Variants in PCLO observed in about 807,000 individuals in gnomAD.
PCLO encodes the protein protein piccolo.
In PCLO, 82 loss-of-function variants were observed where a neutral mutation model predicts 427.5. That is an observed-to-expected ratio of 0.19 (90% CI 0.16 to 0.23). The LOEUF is 0.23. Ranked by LOEUF, PCLO falls within the 10% of genes least tolerant of loss-of-function variation. PCLO has a pLI of 1.00. For synonymous variants in PCLO, 2,357 were observed against 2,155.4 expected (o/e 1.09, Z -2.59); for missense variants, 6,239 against 6,115.9 (o/e 1.02, Z -0.67).
chr7:82,849,834 T>C lies in PCLO; in HGVS notation c.13655-2587A>G, dbSNP rs149257936. On this transcript the variant is annotated intron_variant, in intron 10 of 24. Transcript: ENST00000333891. ...CAAAACAGCTTTTCACACTGCGTTT[T>C]AGAAAGATTTTCTGGAAAATATTAC... 1.1e-4 allele frequency among the ~76,000 whole-genome samples: 16 copies of C among 152,208 alleles called. No homozygotes were observed. In the South Asian group the frequency reaches 2.3e-3, roughly 22 times the overall value.
intron 10 of PCLO, among the ~76,000 whole-genome samples, chr7:82,874,883 T>C (rs972026018): frequency 6.6e-6 from 1 of 152,172 alleles, no homozygotes; most frequent in Non-Finnish European, 1.5e-5. Context: ...CATTGAATAC[T>C]CCAACATTGC....
At chr7:82,963,424 C>A (rs570297063) in intron 4 of PCLO, among the ~76,000 whole-genome samples, 1 of 151,644 alleles carries the variant, frequency 6.6e-6, no homozygotes, top group Non-Finnish European at 1.5e-5. Context: ...ATTGCCAATT[C>A]TTTTTTTCAT....
chr7:82,888,553 T>C (rs1353864195), intron 9 of PCLO, among the ~76,000 whole-genome samples: 1 of 152,156 alleles, frequency 6.6e-6, no homozygotes, highest in East Asian at 1.9e-4. Flanking sequence ...TCTTATTCAT[T>C]CATTATGATT....
At chr7:82,902,629 T>G in intron 9 of PCLO, 22 bp downstream of exon 9, 1 of 1,348,482 alleles carries the variant, frequency 7.4e-7, no homozygotes, top group Non-Finnish European at 1.0e-6. Context: ...AAAAAAATAT[T>G]AGATTATATG....
chr7:83,162,245 C>G lies in PCLO; in HGVS notation c.248+100G>C. 3 of 1,349,588 alleles carry G rather than the reference C, an allele frequency of 2.2e-6. 1 individual carries two copies. In the South Asian group the frequency reaches 4.4e-5, roughly 20 times the overall value. 83.6% of individuals were successfully genotyped at this position (1,349,588 alleles called of 1,614,324 possible). A position where few individuals can be genotyped will look rare whatever the true frequency, so the allele number is the denominator to read the frequency against. ...CTGGGGAGAATAAAATGAACGGAGG[C>G]GACATATATGTACCGCCGTGCTGGC... On this transcript the variant is annotated intron_variant, in intron 1 of 24. Coordinates refer to ENST00000333891, the MANE Select transcript of PCLO (RefSeq NM_033026.6).
chr7:82,948,285 C>G (rs1795249397), intron 6 of PCLO, among the ~76,000 whole-genome samples: 1 of 135,182 alleles, frequency 7.4e-6, no homozygotes, highest in Admixed American at 7.8e-5. Flanking sequence ...TTAGCTTATA[C>G]TACTTTGAGA....
intron 16 of PCLO, among the ~76,000 whole-genome samples, chr7:82,832,278 G>A (rs975800391): frequency 6.6e-6 from 1 of 152,022 alleles, no homozygotes; most frequent in Admixed American, 6.6e-5. Context: ...TTTTTGAGAT[G>A]GAGTCTTGCT....
intron 3 of PCLO, among the ~76,000 whole-genome samples, chr7:83,030,134 AGAAAAG>A (rs1257318349): frequency 3.0e-5 from 4 of 131,450 alleles, no homozygotes; most frequent in African/African-American, 5.3e-5. Flanking sequence ...AAAAAAAAAA[AGAAAAG>A]AAAAGACTCA....
chr7:82,862,737 G>A (rs1183090025), intron 10 of PCLO, among the ~76,000 whole-genome samples: 1 of 151,934 alleles, frequency 6.6e-6, no homozygotes, highest in African/African-American at 2.4e-5. Context: ...CATGTTATGT[G>A]AAATAAGCCA....
intron 22 of PCLO, among the ~76,000 whole-genome samples, chr7:82,791,105 T>C (rs1052206156): frequency 1.2e-4 from 18 of 152,170 alleles, no homozygotes; most frequent in African/African-American, 4.3e-4. Flanking sequence ...AATACCTTAT[T>C]ATAAAGGATT....
intron 3 of PCLO, among the ~76,000 whole-genome samples, chr7:83,125,502 A>C (rs1215180853): frequency 6.6e-6 from 1 of 152,170 alleles, no homozygotes; most frequent in Non-Finnish European, 1.5e-5. Flanking sequence ...CTGTGTAGAA[A>C]GAAGTAGACA....
In PCLO at chr7:82,956,362, T is replaced by C; in HGVS notation, c.4591A>G (p.Thr1531Ala). 7.4e-6 allele frequency: 12 copies of C among 1,613,380 alleles called. No individual in the cohort carries two copies. The highest frequency in any genetic ancestry group is 1.0e-5 in the Non-Finnish European group (12 of 1,179,854). The change falls in exon 5 of 25, where the codon ACT becomes GCT. Residue 1531 changes from threonine to alanine, a missense_variant. Physicochemically the swap from Thr to Ala is moderately conservative, Grantham distance 58 (BLOSUM62 0). This residue lies in a region of PCLO where 4,677 missense variants were observed against 4,468.4 expected (regional missense o/e 1.05). Transcript: ENST00000333891. The part of the protein sequence containing the change: ...NSPVPQRKRR[T>A]SVGSSSSDEY... The stretch of plus-strand genomic sequence containing the variant: ...TCACTGCTTGATGAGCCAACACTAG[T>C]TCTTCGTTTTCTTTGTGGAACAGGT...
intron 20 of PCLO, chr7:82,821,333 A>G: frequency 1.0e-6 from 1 of 986,042 alleles, no homozygotes; most frequent in Non-Finnish European, 1.2e-6. Flanking sequence ...CAGAGTATGT[A>G]TCCTCAGATG....
intron 3 of PCLO, among the ~76,000 whole-genome samples, chr7:83,066,433 C>T (rs1292688745): frequency 2.9e-4 from 44 of 152,176 alleles, no homozygotes; most frequent in Admixed American, 2.9e-3. Context: ...AACCATTATA[C>T]ACATACATGT....
rs753519135 is a variant in PCLO, at chr7:82,965,838, A to G, written c.3950T>C (p.Ile1317Thr). The change falls in exon 4 of 25, where the codon ATA becomes ACA. Residue 1317 changes from isoleucine to threonine, a missense_variant. Transcript: ENST00000333891. ...PKEDDKTTKT[I>T]KEQPQPPCTA... ...GCATGGTGGCTGTGGCTGTTCTTTT[A>G]TTGTTTTGGTTGTCTTATCATCTTC... 120 of 1,612,758 alleles carry G rather than the reference A, an allele frequency of 7.4e-5. No homozygotes were observed. Among genetic ancestry groups the G allele is most frequent in the Non-Finnish European group, 9.4e-5 (111 of 1,179,630 alleles).
At chr7:82,800,728 T>C (rs1451167363) in intron 22 of PCLO, among the ~76,000 whole-genome samples, 3 of 152,110 alleles carry the variant, frequency 2.0e-5, no homozygotes, top group South Asian at 2.1e-4. Flanking sequence ...CCTGAGTAGC[T>C]GGGATTACAG....
intron 3 of PCLO, among the ~76,000 whole-genome samples, chr7:83,131,635 G>A (rs1791575384): frequency 6.6e-6 from 1 of 152,034 alleles, no homozygotes; most frequent in Non-Finnish European, 1.5e-5. Flanking sequence ...TTTCTTGAGG[G>A]AATACCATTT....
intron 21 of PCLO, among the ~76,000 whole-genome samples, chr7:82,804,834 G>A (rs1791426415): frequency 6.6e-6 from 1 of 151,982 alleles, no homozygotes; most frequent in African/African-American, 2.4e-5. Flanking sequence ...GCCATTTTTA[G>A]CTCACAGGTC....
At chr7:82,891,451 T>C (rs1793763198) in intron 9 of PCLO, among the ~76,000 whole-genome samples, 1 of 152,092 alleles carries the variant, frequency 6.6e-6, no homozygotes, top group African/African-American at 2.4e-5. Flanking sequence ...ATGATGGGGT[T>C]TTCTAGATAT....
Sources: gnomAD v4.1 joint callset for allele counts (sites outside exome capture counted in the v4.1 genomes callset) on GRCh38, gnomAD v4.1.1 for gene constraint, gnomAD v4.1.1 regional missense constraint, MANE v1.5 for transcripts, NCBI Gene and HGNC (gene_info 2026-07-23, HGNC 2026-07-21) for gene names.